ADGRE5: variants seen among roughly 807,000 people sequenced by gnomAD.
ADGRE5 encodes the protein CD97 molecule.
Under a neutral mutation model 100.3 loss-of-function variants are expected in ADGRE5, and 72 were observed. The observed-to-expected ratio is 0.72, with a 90% confidence interval of 0.59 to 0.87. ADGRE5 has a LOEUF of 0.87. Ranked by LOEUF, ADGRE5 falls within the 40% of genes least tolerant of loss-of-function variation. ADGRE5 has a pLI of 0.00. For synonymous variants in ADGRE5, 439 were observed against 447.8 expected, an observed-to-expected ratio of 0.98 and a Z score of 0.25; for missense variants, 959 against 1,094.7, an observed-to-expected ratio of 0.88 and a Z score of 1.75.
At position 14,408,101 on chromosome 19, in the gene ADGRE5, GCAT is replaced by G. The variant is rs755939117; in HGVS notation, c.2491_2493del (p.Ser831del). 6.2e-7 allele frequency: 1 copy of G among 1,613,748 alleles called. No homozygotes were observed. The highest frequency in any genetic ancestry group is 8.5e-7 in the Non-Finnish European group (1 of 1,180,018). ...GGGCTCTCCTCTCCAGGCCCTCAGG[GCAT>G]CAGAGTCCGGCATATGAAGGCGCAT... On this transcript the variant is annotated inframe_deletion, in exon 20 of 20. Transcript: ENST00000242786.
At chr19:14,405,671 G>C in intron 13 of ADGRE5, 77 bp from the exon 14 acceptor site, 1 of 1,081,418 alleles carries the variant, frequency 9.2e-7, no homozygotes, top group Non-Finnish European at 1.4e-6. Flanking sequence ...CAAAGTGTGG[G>C]GGGGAAAAGG....
rs138926065 is a variant in ADGRE5, at chr19:14,397,197, A to G, written c.599A>G (p.Asn200Ser). The change falls in exon 6 of 20, where the codon AAT (asparagine) becomes AGT (serine). Residue 200 changes from asparagine (N) to serine (S), a missense_variant. Asn to Ser is a conservative substitution (Grantham distance 46). Transcript: ENST00000242786. ...TGGCAACCGATTCCGGGGTCCCCCA[A>G]TGGCCCAAACAATACCGTCTGTGAA... ...PGWQPIPGSPNGPNNTVCEDV... is the reference protein window; with the variant it reads ...PGWQPIPGSPSGPNNTVCEDV... 192 of 1,614,032 alleles carry G rather than the reference A, an allele frequency of 1.2e-4. No individual in the cohort carries two copies. Among genetic ancestry groups the G allele is most frequent in the African/African-American group, 5.2e-4 (39 of 75,004 alleles).
At chr19:14,403,205 GCTGAT>G (rs1049300931) in intron 12 of ADGRE5, among the ~76,000 whole-genome samples, 3 of 151,882 alleles carry the variant, frequency 2.0e-5, no homozygotes, top group African/African-American at 7.3e-5. Context: ...ACCACACCTC[GCTGAT>G]TTTGTATTTT....
chr19:14,400,310 G>A lies in ADGRE5; in HGVS notation c.898-1076G>A, dbSNP rs185199297. On this transcript the variant is annotated intron_variant, in intron 9 of 19. Coordinates refer to ENST00000242786, the MANE Select transcript of ADGRE5 (RefSeq NM_078481.4). ...GCTGGGATTACAGGTGTGAGCCACC[G>A]CGCCCAGCCATTTTTTCATTTTTTG... is the stretch of plus-strand genomic sequence containing the variant. Among the ~76,000 whole-genome samples the A allele has an allele frequency of 1.7e-3, 259 of 151,754 alleles. 2 individuals carry two copies. The highest frequency in any genetic ancestry group is 6.8e-3 in the Middle Eastern group (2 of 294).
In ADGRE5 at chr19:14,390,935, T is replaced by C; in HGVS notation, c.202T>C (p.Cys68Arg). The C allele has an allele frequency of 6.2e-7, 1 of 1,614,108 alleles. No individual in the cohort carries two copies. The highest frequency in any genetic ancestry group is 8.5e-7 in the Non-Finnish European group (1 of 1,180,030). The change falls in exon 4 of 20, where the codon TGT (cysteine) becomes CGT (arginine). Residue 68 changes from cysteine (C) to arginine (R), a missense_variant. This residue lies in a region of ADGRE5 where 114 missense variants were observed against 195.7 expected (regional missense o/e 0.58). Transcript: ENST00000242786. ...PTETCDDINE[C>R]ATPSKVSCGK... ...CTGTTGTGTTCCAGACATCAACGAG[T>C]GTGCAACACCGTCGAAAGTGTCATG...
chr19:14,388,261 A>G (rs375855285), intron 1 of ADGRE5, among the ~76,000 whole-genome samples, 189 bp from the exon 2 acceptor site: 12 of 151,288 alleles, frequency 7.9e-5, no homozygotes, highest in African/African-American at 2.7e-4. Context: ...ACCCGCCCCT[A>G]TGGGAACAGG....
intron 13 of ADGRE5, 181 bp downstream of exon 13, chr19:14,404,743 C>T (rs1426673212): frequency 6.9e-6 from 4 of 581,916 alleles, no homozygotes; most frequent in Non-Finnish European, 3.0e-6. Flanking sequence ...TCTCTACAAC[C>T]CAGCAACTAT....
At chr19:14,383,645 A>G (rs1025394188) in intron 1 of ADGRE5, among the ~76,000 whole-genome samples, 11 of 152,054 alleles carry the variant, frequency 7.2e-5, no homozygotes, top group African/African-American at 2.7e-4. Flanking sequence ...CAGGATCTCA[A>G]TGCAGGAAAC....
At chr19:14,386,438 T>C (rs138463826) in intron 1 of ADGRE5, 148,522 of 148,936 alleles carry the variant, frequency 1, 74,056 homozygotes, top group South Asian at 1. Flanking sequence ...CGCCTGTAAT[T>C]CCAGCACTTT....
Position 14,381,472 on chromosome 19 carries a change from A to G in ADGRE5, c.-52A>G. On this transcript the variant is annotated 5_prime_UTR_variant, in exon 1 of 20. Transcript: ENST00000242786. ...GCTGCCTAGCCTGTGGAGACGGGAC[A>G]GCCCTGTCCCACTCACTCTTTCCCC... is the stretch of plus-strand genomic sequence containing the variant. 1 of 1,606,360 alleles carries G rather than the reference A, an allele frequency of 6.2e-7. No homozygotes were observed. The highest frequency in any genetic ancestry group is 8.5e-7 in the Non-Finnish European group (1 of 1,176,740).
chr19:14,388,853 G>T (rs531524506), intron 3 of ADGRE5, 35 bp downstream of exon 3: 1 of 1,587,950 alleles, frequency 6.3e-7, no homozygotes, highest in Middle Eastern at 1.7e-4. Context: ...GGGGACATCC[G>T]CGATTATGAG....
At position 14,406,521 on chromosome 19, in the gene ADGRE5, C is replaced by T. The variant is rs866020720; in HGVS notation, c.2012C>T (p.Ala671Val). 3 of 1,571,392 alleles carry T rather than the reference C, an allele frequency of 1.9e-6. No individual in the cohort carries two copies. In the Admixed American group the frequency reaches 5.7e-5, roughly 30 times the overall value. ...CCCCTGCTCATCGTGGGCGTCTCGG[C>T]TGCCATCTACAGCAAGGGCTACGGC... ...GVPLLIVGVS[A>V]AIYSKGYGRP... The change falls in exon 15 of 20, where the codon GCT becomes GTT. Residue 671 changes from alanine (A) to valine (V), a missense_variant. Ala to Val is a moderately conservative substitution (Grantham distance 64, BLOSUM62 0). This residue lies in a region of ADGRE5 where 428 missense variants were observed against 386.2 expected (regional missense o/e 1.11). Coordinates refer to ENST00000242786, the MANE Select transcript of ADGRE5 (RefSeq NM_078481.4). This position sits in a 1 kb window ranked among gnomAD's most constrained non-coding sequence, Gnocchi z 6.0.
chr19:14,397,113 A>T lies in ADGRE5; in HGVS notation c.515A>T (p.His172Leu). ...NECTSGQNPCHSSTHCLNNVG... is the reference protein window; with the variant it reads ...NECTSGQNPCLSSTHCLNNVG... The stretch of plus-strand genomic sequence containing the variant: ...TGCACCTCCGGACAAAACCCGTGCC[A>T]CAGCTCCACCCACTGCCTCAACAAC... Residue 172 changes from histidine to leucine, a missense_variant, in exon 6 of 20, where the codon CAC becomes CTC. Physicochemically the swap from His to Leu is moderately conservative, Grantham distance 99 (BLOSUM62 -3). Coordinates refer to ENST00000242786, the MANE Select transcript of ADGRE5 (RefSeq NM_078481.4). The T allele has an allele frequency of 1.2e-6, 2 of 1,614,108 alleles. No homozygotes were observed. Among genetic ancestry groups the T allele is most frequent in the Non-Finnish European group, 1.7e-6 (2 of 1,180,018 alleles).
chr19:14,389,791 C>T (rs1025799066), intron 3 of ADGRE5, among the ~76,000 whole-genome samples: 2 of 151,558 alleles, frequency 1.3e-5, no homozygotes, highest in Admixed American at 6.6e-5. Flanking sequence ...AAAGTAGGCC[C>T]GGCATGGTGG....
chr19:14,392,271 G>A (rs1975627981), intron 4 of ADGRE5, among the ~76,000 whole-genome samples: 1 of 149,500 alleles, frequency 6.7e-6, no homozygotes, highest in Non-Finnish European at 1.5e-5. Flanking sequence ...ATATAGACAA[G>A]GGGAAGAAAG....
At position 14,405,681 on chromosome 19, in the gene ADGRE5, G is replaced by A. The variant is rs1466045625; in HGVS notation, c.1630-67G>A. On this transcript the variant is annotated intron_variant, in intron 13 of 19. Coordinates refer to ENST00000242786, the MANE Select transcript of ADGRE5 (RefSeq NM_078481.4). ...CCCGTCAAAGTGTGGGGGGGAAAAGGGACCACAAAGAGGGCAGGAAGGCCT... is the reference window on the plus strand; with the variant it reads ...CCCGTCAAAGTGTGGGGGGGAAAAGAGACCACAAAGAGGGCAGGAAGGCCT... 7.4e-6 allele frequency: 9 copies of A among 1,210,342 alleles called. No homozygotes were observed. In the East Asian group the frequency reaches 1.9e-4, roughly 26 times the overall value. The allele number at this position is 1,210,342 out of a possible 1,614,324, so 75.0% of individuals were successfully genotyped here. A position where few individuals can be genotyped will look rare whatever the true frequency, so the allele number is the denominator to read the frequency against.
chr19:14,392,103 G>GA (rs571212543), intron 4 of ADGRE5, among the ~76,000 whole-genome samples: 938 of 64,390 alleles, frequency 0.015, 9 homozygotes, highest in Middle Eastern at 0.074. Flanking sequence ...GACTCTGTCT[G>GA]AAAAAAAAAA....
intron 4 of ADGRE5, chr19:14,391,285 T>C: frequency 1.6e-6 from 1 of 642,518 alleles, no homozygotes; most frequent in Non-Finnish European, 2.6e-6. Flanking sequence ...ACCAGCTGCC[T>C]GGGCCAAATC....
intron 4 of ADGRE5, among the ~76,000 whole-genome samples, chr19:14,394,764 A>G (rs965188252): frequency 6.6e-6 from 1 of 151,958 alleles, no homozygotes; most frequent in Non-Finnish European, 1.5e-5. Context: ...GAACCCCAAA[A>G]CCCTGTCCAG....
Sources: gnomAD v4.1 joint callset for allele counts (sites outside exome capture counted in the v4.1 genomes callset) on GRCh38, gnomAD v4.1.1 for gene constraint, gnomAD v4.1.1 regional missense constraint, Gnocchi (gnomAD v3.1) non-coding constraint, MANE v1.5 for transcripts, NCBI Gene and HGNC (gene_info 2026-07-23, HGNC 2026-07-21) for gene names.